The following NFYC variants were observed in gnomAD, a reference collection of about 807,000 sequenced individuals.
NFYC encodes the protein CAAT box DNA-binding protein subunit C.
NFYC carries 25 observed loss-of-function variants against 53.1 expected under a neutral mutation model. That is an observed-to-expected ratio of 0.47 (90% CI 0.34 to 0.66). The LOEUF is 0.66. Among genes scored for constraint, NFYC ranks in the 30% least tolerant of loss-of-function variants. NFYC has a pLI of 0.01. For synonymous variants in NFYC, 145 were observed against 152.6 expected (o/e 0.95, Z 0.37); for missense variants, 260 against 422.7 (o/e 0.62, Z 3.38).
At chr1:40,767,954 C>T (rs926708120) in intron 8 of NFYC, among the ~76,000 whole-genome samples, 64 of 151,914 alleles carry the variant, frequency 4.2e-4, no homozygotes, top group African/African-American at 1.5e-3. Context: ...CCAGCCTGGG[C>T]GACAGAGTGA....
At chr1:40,755,099 C>T (rs12729696) in intron 5 of NFYC, among the ~76,000 whole-genome samples, 32,763 of 152,160 alleles carry the variant, frequency 0.22, 4,157 homozygotes, top group South Asian at 0.42. Flanking sequence ...TCCTTTAAAA[C>T]GCCTACTCTC....
At chr1:40,736,853 G>A (rs1242834763) in intron 1 of NFYC, among the ~76,000 whole-genome samples, 25 of 146,580 alleles carry the variant, frequency 1.7e-4, no homozygotes, top group Non-Finnish European at 2.8e-4. Context: ...AAGGCTGGGC[G>A]CGGTGGCTCA....
Position 40,741,054 on chromosome 1 carries a change from T to G in NFYC, c.105+2106T>G, listed in dbSNP as rs140116980. ...AACTTACCTTGAGAATTTTTTCATA[T>G]TGCAGTACTGAAACTGTGCACTCAA... On this transcript the variant is annotated intron_variant, in intron 2 of 9. Transcript: ENST00000447388. Among the ~76,000 whole-genome samples the G allele has an allele frequency of 3.4e-4, 52 of 152,314 alleles. No individual in the cohort carries two copies. In the East Asian group the frequency reaches 9.1e-3, roughly 27 times the overall value.
At chr1:40,759,410 CT>C (rs1486065733) in intron 6 of NFYC, among the ~76,000 whole-genome samples, 1 of 151,942 alleles carries the variant, frequency 6.6e-6, no homozygotes, top group Non-Finnish European at 1.5e-5. Flanking sequence ...GTGGCATGCT[CT>C]TATGGCCCCA....
At chr1:40,756,718 G>A (rs1376265231) in intron 5 of NFYC, among the ~76,000 whole-genome samples, 5 of 152,198 alleles carry the variant, frequency 3.3e-5, no homozygotes, top group Non-Finnish European at 7.3e-5. Context: ...AAGAGAATTT[G>A]TCATATCAGC....
At chr1:40,734,950 A>G (rs1467421080) in intron 1 of NFYC, 1 of 152,178 alleles carries the variant, frequency 6.6e-6, no homozygotes, top group Non-Finnish European at 1.5e-5. Context: ...GCTGGATGGA[A>G]AAATCATAAA....
intron 1 of NFYC, chr1:40,730,413 G>A (rs1644716468): frequency 5.4e-6 from 1 of 184,746 alleles, no homozygotes; most frequent in African/African-American, 2.4e-5. Context: ...GGGTTATTAA[G>A]TGGCGTAATT....
At chr1:40,692,486 A>C (rs657149) in intron 1 of NFYC, 119,452 of 152,246 alleles carry the variant, frequency 0.78, 47,487 homozygotes, top group African/African-American at 0.9. Context: ...CCGAAACCCA[A>C]GTGACAGGCT....
At chr1:40,736,204 C>T (rs1016216293) in intron 1 of NFYC, among the ~76,000 whole-genome samples, 2 of 152,116 alleles carry the variant, frequency 1.3e-5, no homozygotes, top group African/African-American at 4.8e-5. Flanking sequence ...TGTCATTACA[C>T]CAGAATGAAA....
At chr1:40,760,473 T>C (rs1570705480) in intron 6 of NFYC, among the ~76,000 whole-genome samples, 1 of 152,130 alleles carries the variant, frequency 6.6e-6, no homozygotes, top group East Asian at 1.9e-4. Context: ...GTAATCCCAG[T>C]ACTTTGGGAG....
rs1044161053 is a variant in NFYC, at chr1:40,770,531, T to C, written c.889-178T>C. ...CACACCCCCCCTCACACCGGGCTGG[T>C]GCCTCCTGTGTCTGCTGCTCCCAAC... On this transcript the variant is annotated intron_variant, in intron 9 of 9. Transcript: ENST00000447388. The surrounding 1 kb of genome is among the most constrained non-coding windows in gnomAD (Gnocchi z 5.3). The C allele has an allele frequency of 2.8e-5, 44 of 1,565,088 alleles. No individual in the cohort carries two copies. The highest frequency in any genetic ancestry group is 3.8e-5 in the Non-Finnish European group (44 of 1,154,614).
intron 1 of NFYC, among the ~76,000 whole-genome samples, chr1:40,701,825 A>G (rs1643449532): frequency 6.6e-6 from 1 of 152,128 alleles, no homozygotes; most frequent in Non-Finnish European, 1.5e-5. Context: ...AAGCCCTAAA[A>G]CCTTGCAAGA....
At chr1:40,757,983 C>T in intron 5 of NFYC, 138 bp from the exon 6 acceptor site, 1 of 869,636 alleles carries the variant, frequency 1.1e-6, no homozygotes. Context: ...ATTCCACTTT[C>T]CTTTGGCTTC....
In NFYC at chr1:40,700,337, A is replaced by G. The variant is rs886979014; in HGVS notation, c.-9+8470A>G. On this transcript the variant is annotated intron_variant, in intron 1 of 9. Transcript: ENST00000447388. ...GATTTTTGAATCTTCTTTATTTTTT[A>G]TTTTACTTTAATTAATTTTTTTGAG... Among the ~76,000 whole-genome samples, 19 of 151,858 alleles carry G rather than the reference A, an allele frequency of 1.3e-4. 1 individual carries two copies. Among genetic ancestry groups the G allele is most frequent in the Admixed American group, 7.2e-4 (11 of 15,218 alleles).
chr1:40,759,220 C>T (rs1646399531), intron 6 of NFYC, among the ~76,000 whole-genome samples: 1 of 142,896 alleles, frequency 7.0e-6, no homozygotes, highest in African/African-American at 2.5e-5. Context: ...CACAGCAAGA[C>T]CTCTTCTTTA....
chr1:40,741,154 G>C (rs554766000), intron 2 of NFYC, among the ~76,000 whole-genome samples: 7 of 152,188 alleles, frequency 4.6e-5, no homozygotes, highest in African/African-American at 1.7e-4. Flanking sequence ...ATATCGTACA[G>C]TCCCCTACTT....
At chr1:40,713,475 T>C (rs1184394870) in intron 1 of NFYC, among the ~76,000 whole-genome samples, 1 of 152,248 alleles carries the variant, frequency 6.6e-6, no homozygotes, top group Non-Finnish European at 1.5e-5. Flanking sequence ...CTAAATACTT[T>C]TGTAGGAGCT....
At chr1:40,701,183 G>A (rs1178981795) in intron 1 of NFYC, among the ~76,000 whole-genome samples, 1 of 152,108 alleles carries the variant, frequency 6.6e-6, no homozygotes, top group Non-Finnish European at 1.5e-5. Context: ...TGCAACCTCT[G>A]CCTCCTGGGT....
At chr1:40,724,126 T>G (rs1644422750) in intron 1 of NFYC, among the ~76,000 whole-genome samples, 1 of 152,180 alleles carries the variant, frequency 6.6e-6, no homozygotes, top group East Asian at 1.9e-4. Context: ...TCCCAGCGTT[T>G]TGGGAGGCCG....
Sources: allele counts gnomAD v4.1 joint callset (sites outside exome capture counted in the v4.1 genomes callset), GRCh38; gene constraint gnomAD v4.1.1; non-coding constraint Gnocchi (gnomAD v3.1); transcripts MANE v1.5; gene names NCBI Gene and HGNC (gene_info 2026-07-23, HGNC 2026-07-21).